MAP2: variants seen among roughly 807,000 people sequenced by gnomAD.
MAP2 encodes microtubule-associated protein 2.
In MAP2, 14 loss-of-function variants were observed where a neutral mutation model predicts 137.6. The ratio of observed to expected loss-of-function variants is 0.10; its 90% CI spans 0.07 to 0.16. The LOEUF is 0.16. Ranked by LOEUF, MAP2 falls within the 10% of genes least tolerant of loss-of-function variation. The pLI is 1.00. For missense variants in MAP2, 2,088 were observed against 2,191.5 expected (o/e 0.95, Z 0.94); for synonymous variants, 786 against 782.3 (o/e 1.00, Z -0.08).
chr2:209,515,881 A>C (rs903514286), intron 2 of MAP2, among the ~76,000 whole-genome samples: 7 of 152,106 alleles, frequency 4.6e-5, no homozygotes, highest in Non-Finnish European at 8.8e-5. Context: ...TAACCTACCC[A>C]GCTCAAGTGA....
intron 5 of MAP2, among the ~76,000 whole-genome samples, chr2:209,669,323 T>C (rs1413449362): frequency 1.3e-5 from 2 of 152,052 alleles, no homozygotes; most frequent in Non-Finnish European, 2.9e-5. Context: ...AACAAAGTGA[T>C]TTTTCCCATC....
intron 1 of MAP2, among the ~76,000 whole-genome samples, chr2:209,474,010 A>G (rs758603134): frequency 1.6e-4 from 25 of 152,122 alleles, no homozygotes; most frequent in Non-Finnish European, 2.8e-4. Context: ...TTAAGGATCT[A>G]CTCCGCAGTG....
intron 3 of MAP2, among the ~76,000 whole-genome samples, chr2:209,621,204 G>C (rs2091044287): frequency 1.3e-5 from 2 of 148,480 alleles, no homozygotes; most frequent in Non-Finnish European, 3.0e-5. Flanking sequence ...ACCAAAGAAA[G>C]ACAGAAAGAC....
rs754683524 is a variant in MAP2 at position 209,693,246 on chromosome 2, C to G, written c.1076C>G (p.Pro359Arg). The G allele has an allele frequency of 6.2e-7, 1 of 1,614,020 alleles. No homozygotes were observed. Among genetic ancestry groups the G allele is most frequent in the Admixed American group, 1.7e-5 (1 of 60,000 alleles). Residue 359 changes from proline to arginine, a missense_variant, in exon 8 of 16, where the codon CCA becomes CGA. Physicochemically the swap from Pro to Arg is moderately radical, Grantham distance 103. Coordinates refer to ENST00000682079, the MANE Select transcript of MAP2 (RefSeq NM_001375505.1). ...DKKSLQQTSG[P>R]ATAKDSFKIE... ...AAATCTCTGCAACAAACCAGTGGCCCAGCTACTGCCAAAGATAGTTTTAAA... is the reference window on the plus strand; with the variant it reads ...AAATCTCTGCAACAAACCAGTGGCCGAGCTACTGCCAAAGATAGTTTTAAA...
chr2:209,573,745 C>T (rs1309626947), intron 2 of MAP2, among the ~76,000 whole-genome samples: 1 of 152,024 alleles, frequency 6.6e-6, no homozygotes, highest in Non-Finnish European at 1.5e-5. Context: ...TTTTCATTAC[C>T]CCAGAAAGAA....
intron 4 of MAP2, among the ~76,000 whole-genome samples, chr2:209,637,732 T>C (rs1414769668): frequency 6.6e-6 from 1 of 152,016 alleles, no homozygotes; most frequent in Non-Finnish European, 1.5e-5. Context: ...TATGATGAAA[T>C]GTTAAACATA....
chr2:209,596,049 A>G (rs1461949117), intron 3 of MAP2, among the ~76,000 whole-genome samples: 1 of 152,192 alleles, frequency 6.6e-6, no homozygotes, highest in Non-Finnish European at 1.5e-5. Context: ...GCACATGTAT[A>G]CCTATGTAAC....
intron 13 of MAP2, among the ~76,000 whole-genome samples, chr2:209,724,696 G>A (rs1368903575): frequency 2.6e-5 from 4 of 152,144 alleles, no homozygotes; most frequent in African/African-American, 9.7e-5. Context: ...AAAGTTCATA[G>A]CAATGTTTGC....
chr2:209,703,984 C>A (rs1195124712), intron 11 of MAP2: 1 of 455,048 alleles, frequency 2.2e-6, no homozygotes, highest in Non-Finnish European at 4.4e-6. Context: ...TATTTTTAAT[C>A]AGGGTGTCCA....
chr2:209,484,687 C>CACAA lies in MAP2; in HGVS notation c.-221-22887_-221-22884dup, dbSNP rs909454747. 5.3e-5 allele frequency among the ~76,000 whole-genome samples: 8 copies of CACAA among 152,226 alleles called. No individual in the cohort carries two copies. The East Asian group carries it at 7.7e-4, about 15-fold the overall frequency. On this transcript the variant is annotated intron_variant, in intron 1 of 15. Transcript: ENST00000682079. ...CGTGGGCAACAGAGCAAGATTCCAT[C>CACAA]ACAAACAAACAAACAAACAAAAAAC...
chr2:209,651,318 C>A (rs1582199745), intron 4 of MAP2, among the ~76,000 whole-genome samples: 1 of 152,126 alleles, frequency 6.6e-6, no homozygotes, highest in African/African-American at 2.4e-5. Context: ...CTTGGGATAT[C>A]CATTCATCCC....
chr2:209,595,073 A>G (rs2080882511), intron 3 of MAP2, among the ~76,000 whole-genome samples: 1 of 152,206 alleles, frequency 6.6e-6, no homozygotes, highest in Non-Finnish European at 1.5e-5. Context: ...ATATGGTGGT[A>G]GCAGTATTAA....
chr2:209,474,860 A>AT (rs1218633738), intron 1 of MAP2, among the ~76,000 whole-genome samples: 3 of 152,100 alleles, frequency 2.0e-5, no homozygotes, highest in Admixed American at 6.5e-5. Context: ...AAACATATAT[A>AT]TTTTTCTCAA....
chr2:209,431,332 TAGA>T (rs1332161099), intron 1 of MAP2, among the ~76,000 whole-genome samples: 1 of 152,216 alleles, frequency 6.6e-6, no homozygotes, highest in East Asian at 1.9e-4. Context: ...ATTACTGGAT[TAGA>T]AGGACTGTGT....
At chr2:209,662,439 C>T (rs2044089300) in intron 5 of MAP2, among the ~76,000 whole-genome samples, 1 of 152,098 alleles carries the variant, frequency 6.6e-6, no homozygotes, top group Admixed American at 6.6e-5. Flanking sequence ...TTGCCAATGA[C>T]AATTCAGACC....
At chr2:209,508,821 G>A (rs184993975) in intron 2 of MAP2, among the ~76,000 whole-genome samples, 187 of 151,886 alleles carry the variant, frequency 1.2e-3, no homozygotes, top group African/African-American at 4.3e-3. Flanking sequence ...TATATAGTTC[G>A]GGGTCAAATT....
At chr2:209,722,620 T>C (rs2071670298) in intron 13 of MAP2, among the ~76,000 whole-genome samples, 2 of 152,180 alleles carry the variant, frequency 1.3e-5, no homozygotes, top group Non-Finnish European at 2.9e-5. Context: ...AATAAAGCTT[T>C]CTTTCCATGC....
chr2:209,729,934 A>G lies in MAP2; in HGVS notation c.5240A>G (p.His1747Arg). 3 of 1,612,094 alleles carry G rather than the reference A, an allele frequency of 1.9e-6. No homozygotes were observed. Among genetic ancestry groups the G allele is most frequent in the Non-Finnish European group, 2.5e-6 (3 of 1,178,174 alleles). Reference protein sequence around the residue: ...QAKVGSLDNAHHVPGGGNVKI... With the variant: ...QAKVGSLDNARHVPGGGNVKI... Reference sequence around the variant, plus strand: ...AAAGTTGGTTCTCTTGATAATGCTCATCATGTACCTGGAGGTGGTAATGTC... The same window carrying G: ...AAAGTTGGTTCTCTTGATAATGCTCGTCATGTACCTGGAGGTGGTAATGTC... Residue 1747 changes from histidine (H) to arginine (R), a missense_variant, in exon 15 of 16, where the codon CAT (histidine) becomes CGT (arginine). By Grantham distance (29) the His-to-Arg change is conservative (BLOSUM62 0). Around this residue, in one of 6 missense-constraint regions of MAP2, gnomAD observed 112 missense variants for 201.0 expected, o/e 0.56. Coordinates refer to ENST00000682079, the MANE Select transcript of MAP2 (RefSeq NM_001375505.1).
intron 2 of MAP2, among the ~76,000 whole-genome samples, chr2:209,511,858 C>G (rs1019145822): frequency 2.6e-5 from 4 of 152,118 alleles, no homozygotes; most frequent in Non-Finnish European, 5.9e-5. Context: ...AGGCATGAGT[C>G]ACTGTGCCTG....
Sources: allele counts gnomAD v4.1 joint callset (sites outside exome capture counted in the v4.1 genomes callset), GRCh38; gene constraint gnomAD v4.1.1; regional missense constraint gnomAD v4.1.1; transcripts MANE v1.5; gene names NCBI Gene and HGNC (gene_info 2026-07-23, HGNC 2026-07-21).